CHL1: variants seen among roughly 807,000 people sequenced by gnomAD.
CHL1 encodes neural cell adhesion molecule L1-like protein.
CHL1 carries 96 observed loss-of-function variants against 141.9 expected under a neutral mutation model. That is an observed-to-expected ratio of 0.68 (90% CI 0.57 to 0.80). CHL1 has a LOEUF of 0.80. Among genes scored for constraint, CHL1 ranks in the 30% least tolerant of loss-of-function variants. The pLI, the probability that CHL1 is intolerant of heterozygous loss-of-function variation, is 0.00. For synonymous variants in CHL1, 613 were observed against 502.2 expected, an observed-to-expected ratio of 1.22 and a Z score of -2.95; for missense variants, 1,820 against 1,457.2, an observed-to-expected ratio of 1.25 and a Z score of -4.05.
intron 15 of CHL1, among the ~76,000 whole-genome samples, chr3:368,435 G>T (rs1282480512): frequency 1.3e-5 from 2 of 152,056 alleles, no homozygotes; most frequent in African/African-American, 4.8e-5. Context: ...GCCCATGTTT[G>T]ATGGGGTTGT....
intron 23 of CHL1, among the ~76,000 whole-genome samples, chr3:392,978 A>C (rs1196408276): frequency 3.8e-5 from 5 of 132,678 alleles, no homozygotes; most frequent in African/African-American, 1.3e-4. Context: ...CAAGTAGTAA[A>C]ATAAGTGTTA....
chr3:269,995 C>T (rs888455874), intron 2 of CHL1, among the ~76,000 whole-genome samples: 6 of 152,104 alleles, frequency 3.9e-5, no homozygotes, highest in African/African-American at 1.4e-4. Context: ...CAGAACCTGA[C>T]CCAGTAGAGG....
In CHL1 at chr3:319,805, T is replaced by G; in HGVS notation, c.29T>G (p.Leu10Arg). Residue 10 changes from leucine to arginine, a missense_variant, in exon 3 of 28, where the codon CTA (leucine) becomes CGA (arginine). Transcript: ENST00000256509. The part of the protein sequence containing the change: MEPLLLGRG[L>R]IVYLMFLLLK... ...GAGCCGCTTTTACTTGGAAGAGGAC[T>G]AATCGTATATCTAATGTTCCTCCTG... is the stretch of plus-strand genomic sequence containing the variant. 1 of 1,608,068 alleles carries G rather than the reference T, an allele frequency of 6.2e-7. No individual in the cohort carries two copies.
At chr3:280,892 CCACACACACACACACATGCACCA>C (rs1346453541) in intron 2 of CHL1, among the ~76,000 whole-genome samples, 2 of 149,586 alleles carry the variant, frequency 1.3e-5, no homozygotes, top group Non-Finnish European at 3.0e-5. Flanking sequence ...CACACATGCA[CCACACACACACACACATGCACCA>C]CACACACACA....
At chr3:376,581 C>T (rs559368834) in intron 15 of CHL1, among the ~76,000 whole-genome samples, 4 of 152,340 alleles carry the variant, frequency 2.6e-5, no homozygotes, top group South Asian at 4.1e-4. Flanking sequence ...TGGCCTGAAA[C>T]ACCCCGTGCC....
At chr3:318,910 A>G (rs1181865704) in intron 2 of CHL1, among the ~76,000 whole-genome samples, 1 of 151,750 alleles carries the variant, frequency 6.6e-6, no homozygotes, top group Non-Finnish European at 1.5e-5. Context: ...AATAAAATTA[A>G]CTAAATGAAG....
intron 2 of CHL1, among the ~76,000 whole-genome samples, chr3:317,004 G>T (rs13080225): frequency 1.3e-5 from 2 of 151,840 alleles, no homozygotes; most frequent in African/African-American, 4.8e-5. Context: ...CTGACTTTCC[G>T]TTTTCAATCT....
intron 1 of CHL1, among the ~76,000 whole-genome samples, chr3:201,050 T>G (rs1698883273): frequency 6.6e-6 from 1 of 152,224 alleles, no homozygotes; most frequent in South Asian, 2.1e-4. Context: ...CTTCTGAGAA[T>G]AAAAGTGTTA....
At chr3:394,567 A>T in intron 23 of CHL1, 126 bp from the exon 24 acceptor site, 1 of 681,026 alleles carries the variant, frequency 1.5e-6, no homozygotes, top group African/African-American at 1.8e-5. Flanking sequence ...GGATTAAATG[A>T]GTTGATGGTT....
intron 11 of CHL1, among the ~76,000 whole-genome samples, chr3:357,012 G>C (rs955864786): frequency 3.9e-5 from 6 of 152,226 alleles, no homozygotes; most frequent in Non-Finnish European, 7.3e-5. Flanking sequence ...TCTGCGCTCA[G>C]GGCTAGATTG....
chr3:326,060 C>T lies in CHL1; in HGVS notation c.193C>T (p.Pro65Ser). 6.3e-7 allele frequency: 1 copy of T among 1,598,842 alleles called. No homozygotes were observed. The highest frequency in any genetic ancestry group is 8.6e-7 in the Non-Finnish European group (1 of 1,167,242). Residue 65 changes from proline (P) to serine (S), a missense_variant, in exon 4 of 28, where the codon CCA becomes TCA. Transcript: ENST00000256509. ...ATGTGAAGCTAAAGGAAATCCAGAA[C>T]CAACGTGAGTATTGTTTCAAACGAA... The part of the protein sequence containing the change: ...IECEAKGNPE[P>S]TFSWTKDGNP...
At chr3:218,268 A>T (rs1053735885) in intron 1 of CHL1, among the ~76,000 whole-genome samples, 1 of 152,240 alleles carries the variant, frequency 6.6e-6, no homozygotes, top group African/African-American at 2.4e-5. Flanking sequence ...TACTTTCTGC[A>T]CTGACAGAAC....
At chr3:278,635 A>C (rs1307461564) in intron 2 of CHL1, among the ~76,000 whole-genome samples, 4 of 152,214 alleles carry the variant, frequency 2.6e-5, no homozygotes, top group Non-Finnish European at 5.9e-5. Flanking sequence ...CTTATCCGTA[A>C]AAAGGATGAG....
intron 3 of CHL1, among the ~76,000 whole-genome samples, chr3:324,507 A>G (rs330902): frequency 0.15 from 22,844 of 152,066 alleles, 3,011 homozygotes; most frequent in African/African-American, 0.35. Context: ...AGCTTAATCC[A>G]AGTTGTATTT....
intron 23 of CHL1, 79 bp from the exon 24 acceptor site, chr3:394,614 A>G: frequency 9.8e-7 from 1 of 1,015,620 alleles, no homozygotes; most frequent in Non-Finnish European, 1.5e-6. Context: ...CCACAAGCAT[A>G]AGGAGAAATG....
chr3:365,376 T>TTAACAC (rs1233516036), intron 14 of CHL1, among the ~76,000 whole-genome samples: 1 of 152,236 alleles, frequency 6.6e-6, no homozygotes, highest in Admixed American at 6.5e-5. Context: ...AAAAGGAGAC[T>TTAACAC]TAACACTATG....
intron 1 of CHL1, among the ~76,000 whole-genome samples, chr3:241,758 T>C (rs1402072436): frequency 6.6e-6 from 1 of 152,198 alleles, no homozygotes; most frequent in Non-Finnish European, 1.5e-5. Flanking sequence ...ATTTTCTTTT[T>C]AATATTCCTC....
At position 198,430 on chromosome 3, in the gene CHL1, C is replaced by G. The variant is rs577294541; in HGVS notation, c.-175+1367C>G. 9.7e-4 allele frequency among the ~76,000 whole-genome samples: 147 copies of G among 152,308 alleles called. 3 individuals carry two copies. The South Asian group carries it at 0.029, about 30-fold the overall frequency. ...GATGGTAACTGGTGGGCCCCCCGGG[C>G]TCGCTCTAGGCGGAGGCTCCCGGGA... On this transcript the variant is annotated intron_variant, in intron 1 of 27. Coordinates refer to ENST00000256509, the MANE Select transcript of CHL1 (RefSeq NM_006614.4).
At chr3:224,874 G>A (rs540537138) in intron 1 of CHL1, among the ~76,000 whole-genome samples, 2 of 152,282 alleles carry the variant, frequency 1.3e-5, no homozygotes, top group East Asian at 3.9e-4. Context: ...AGTGGCTCAC[G>A]CCTGTAATCC....
Sources: allele counts gnomAD v4.1 joint callset (sites outside exome capture counted in the v4.1 genomes callset), GRCh38; gene constraint gnomAD v4.1.1; transcripts MANE v1.5; gene names NCBI Gene and HGNC (gene_info 2026-07-23, HGNC 2026-07-21).